PDE10A: variants seen among roughly 807,000 people sequenced by gnomAD.
The protein encoded by PDE10A is cAMP and cAMP-inhibited cGMP 3',5'-cyclic phosphodiesterase 10A.
PDE10A carries 39 observed loss-of-function variants against 97.7 expected under a neutral mutation model. The ratio of observed to expected loss-of-function variants is 0.40; its 90% CI spans 0.31 to 0.52. The LOEUF is 0.52. Ranked by LOEUF, PDE10A falls within the 20% of genes least tolerant of loss-of-function variation. The pLI is 0.56. For missense variants in PDE10A, 731 were observed against 1,047.8 expected (o/e 0.70, Z 4.17); for synonymous variants, 371 against 376.8 (o/e 0.98, Z 0.18).
At chr6:165,344,697 T>C (rs1782193455) in intron 18 of PDE10A, among the ~76,000 whole-genome samples, 2 of 152,216 alleles carry the variant, frequency 1.3e-5, no homozygotes, top group African/African-American at 4.8e-5. Flanking sequence ...ATTCTTATGA[T>C]ACCATCGATC....
chr6:165,843,184 T>C (rs1780309647), intron 1 of PDE10A, among the ~76,000 whole-genome samples: 2 of 152,286 alleles, frequency 1.3e-5, no homozygotes, highest in Admixed American at 6.5e-5. Context: ...CTACAAGCCA[T>C]GGTGTTGGGT....
At chr6:165,586,646 A>C (rs1436336325) in intron 1 of PDE10A, among the ~76,000 whole-genome samples, 2 of 152,226 alleles carry the variant, frequency 1.3e-5, no homozygotes, top group Non-Finnish European at 2.9e-5. Context: ...AATATTCTAA[A>C]TCATACTACC....
In PDE10A at chr6:165,691,180, TCTCTCTCC is replaced by T. The variant is rs1344381988; in HGVS notation, c.-614-147620_-614-147613del. On this transcript the variant is annotated intron_variant, in intron 1 of 19. Transcript: ENST00000366882. ...AATATTCTCTCTTTCTTTCTCTCTC[TCTCTCTCC>T]CTCTCTCTCTCTCCCCACACACACA... Among the ~76,000 whole-genome samples, 98 of 10,628 alleles carry T rather than the reference TCTCTCTCC, an allele frequency of 9.2e-3. 3 individuals are homozygous for T. Among genetic ancestry groups the T allele is most frequent in the Middle Eastern group, 0.05 (1 of 20 alleles). The allele number at this position is 10,628 out of a possible 152,430, so 7.0% of individuals were successfully genotyped here. A position where few individuals can be genotyped will look rare whatever the true frequency, so the allele number is the denominator to read the frequency against.
At chr6:165,727,108 T>C (rs1792318456) in intron 1 of PDE10A, among the ~76,000 whole-genome samples, 1 of 152,164 alleles carries the variant, frequency 6.6e-6, no homozygotes, top group Non-Finnish European at 1.5e-5. Flanking sequence ...TTCCCCACTG[T>C]GCGTTTACTC....
At chr6:165,490,198 G>A (rs1020440713) in intron 2 of PDE10A, among the ~76,000 whole-genome samples, 1 of 152,180 alleles carries the variant, frequency 6.6e-6, no homozygotes, top group Non-Finnish European at 1.5e-5. Flanking sequence ...TGAGGCAAGA[G>A]CAGCAGGTAA....
intron 18 of PDE10A, among the ~76,000 whole-genome samples, chr6:165,374,239 TA>T (rs1362479188): frequency 1.3e-5 from 2 of 151,734 alleles, no homozygotes; most frequent in East Asian, 1.9e-4. Flanking sequence ...ATAATAATAA[TA>T]AAAAAATTAA....
intron 5 of PDE10A, among the ~76,000 whole-genome samples, chr6:165,440,246 C>G (rs1189486911): frequency 6.6e-6 from 1 of 152,192 alleles, no homozygotes; most frequent in Non-Finnish European, 1.5e-5. Context: ...CTGAAGTTCA[C>G]TGTGCACTTG....
intron 1 of PDE10A, chr6:165,894,422 A>G (rs1001248433): frequency 4.4e-6 from 2 of 455,960 alleles, no homozygotes; most frequent in Non-Finnish European, 8.8e-6. Flanking sequence ...CAGAGATATA[A>G]GTCAAGGCCT....
At position 165,567,994 on chromosome 6, in the gene PDE10A, A is replaced by ATTTTTT. The variant is rs386409260; in HGVS notation, c.866-24432_866-24427dup. The stretch of plus-strand genomic sequence containing the variant: ...GCACACAATAGGTACGCAACAAGGC[A>ATTTTTT]TTTTTTTTTTTTTTTTTTTTTTGAG... On this transcript the variant is annotated intron_variant, in intron 1 of 21. Transcript: ENST00000539869. Among the ~76,000 whole-genome samples, 67 of 130,624 alleles carry ATTTTTT rather than the reference A, an allele frequency of 5.1e-4. 1 individual carries two copies. Among genetic ancestry groups the ATTTTTT allele is most frequent in the African/African-American group, 1.2e-3 (38 of 32,522 alleles). 85.7% of individuals were successfully genotyped at this position (130,624 alleles called of 152,430 possible).
At chr6:165,511,864 T>C (rs904774083) in intron 2 of PDE10A, among the ~76,000 whole-genome samples, 2 of 152,068 alleles carry the variant, frequency 1.3e-5, no homozygotes, top group Admixed American at 1.3e-4. Context: ...CTATTTGAAT[T>C]GAATATCTTT....
intron 1 of PDE10A, among the ~76,000 whole-genome samples, chr6:165,706,027 C>G (rs1791700478): frequency 6.6e-6 from 1 of 152,146 alleles, no homozygotes; most frequent in Non-Finnish European, 1.5e-5. Flanking sequence ...GAAGGGCGGC[C>G]ACACTCCTAA....
Position 165,503,844 on chromosome 6 carries a change from T to C in PDE10A, c.995-21501A>G, listed in dbSNP as rs374169276. 3.8e-4 allele frequency among the ~76,000 whole-genome samples: 58 copies of C among 152,312 alleles called. No individual in the cohort carries two copies. In the South Asian group the frequency reaches 0.012, roughly 31 times the overall value. The stretch of plus-strand genomic sequence containing the variant: ...AAAAAATAAGTAACTGAAAGATCTT[T>C]ATGGATAAGATGGTTTTCCACTAAC... On this transcript the variant is annotated intron_variant, in intron 2 of 21. Transcript: ENST00000539869.
chr6:165,814,273 T>C (rs1048972821), intron 1 of PDE10A, among the ~76,000 whole-genome samples: 1 of 152,014 alleles, frequency 6.6e-6, no homozygotes, highest in African/African-American at 2.4e-5. Context: ...CTGTGCTCCT[T>C]CCTTAGCACC....
At chr6:165,383,279 G>A (rs1251524894) in intron 17 of PDE10A, among the ~76,000 whole-genome samples, 2 of 152,076 alleles carry the variant, frequency 1.3e-5, no homozygotes, top group Non-Finnish European at 2.9e-5. Flanking sequence ...AAAAAGTATA[G>A]TTTCAATGTT....
chr6:165,383,948 G>A (rs555474076), intron 17 of PDE10A, among the ~76,000 whole-genome samples: 50 of 152,114 alleles, frequency 3.3e-4, no homozygotes, highest in Non-Finnish European at 5.9e-4. Flanking sequence ...GAGAGAACCC[G>A]GCCAATGGCA....
chr6:165,690,481 A>G (rs1055265144), intron 1 of PDE10A, among the ~76,000 whole-genome samples: 2 of 152,202 alleles, frequency 1.3e-5, no homozygotes, highest in Non-Finnish European at 2.9e-5. Flanking sequence ...TCCTTTATAA[A>G]GCAGACTGGC....
chr6:165,890,821 T>A (rs779831568), intron 1 of PDE10A, among the ~76,000 whole-genome samples: 1 of 152,194 alleles, frequency 6.6e-6, no homozygotes, highest in African/African-American at 2.4e-5. Context: ...GTTCTAACTT[T>A]CAAGTTACAA....
chr6:165,622,330 G>A (rs1485197444), intron 1 of PDE10A, among the ~76,000 whole-genome samples: 3 of 152,086 alleles, frequency 2.0e-5, no homozygotes, highest in African/African-American at 4.8e-5. Context: ...ATGGAAACAC[G>A]TGAGAAACGT....
chr6:165,782,900 C>T (rs528263219), intron 1 of PDE10A, among the ~76,000 whole-genome samples: 6 of 152,100 alleles, frequency 3.9e-5, no homozygotes, highest in Admixed American at 6.5e-5. Context: ...AATGCTGCTG[C>T]GTATGAAGGA....
Sources: gnomAD v4.1 joint callset for allele counts (sites outside exome capture counted in the v4.1 genomes callset) on GRCh38, gnomAD v4.1.1 for gene constraint, MANE v1.5 for transcripts, NCBI Gene and HGNC (gene_info 2026-07-23, HGNC 2026-07-21) for gene names.